The following LAMA5 variants were observed in gnomAD, a reference collection of about 807,000 sequenced individuals.
LAMA5 encodes the protein laminin subunit alpha-5.
Under a neutral mutation model 433.4 loss-of-function variants are expected in LAMA5, and 260 were observed. That is an observed-to-expected ratio of 0.60 (90% CI 0.54 to 0.66). The LOEUF (loss-of-function observed/expected upper bound fraction) is 0.66, where lower values mean the gene tolerates loss of function less well. LAMA5 is among the 30% of genes least tolerant of loss of function. The probability of loss-of-function intolerance (pLI) is 0.00; values close to 1 mark genes in which losing one functional copy is unlikely to be tolerated. For synonymous variants in LAMA5, 2,620 were observed against 2,226.6 expected (o/e 1.18, Z -4.97); for missense variants, 5,378 against 5,258.5 (o/e 1.02, Z -0.70).
In LAMA5 at chr20:62,338,595, G is replaced by A. The variant is rs780866759; in HGVS notation, c.1491C>T (p.Ser497=). Residue 497 remains serine (S), a synonymous_variant, in exon 12 of 80, where the codon AGC becomes AGT. Coordinates refer to ENST00000252999, the MANE Select transcript of LAMA5 (RefSeq NM_005560.6). The part of the protein sequence containing the change: ...PAGQIVNCDC[S]AAGTQGNACR... Reference sequence around the variant, plus strand: ...AGGCGTTGCCCTGGGTCCCTGCCGCGCTGCAGTCACAATCTGGAGGGTGGG... The same window carrying A: ...AGGCGTTGCCCTGGGTCCCTGCCGCACTGCAGTCACAATCTGGAGGGTGGG... 46 of 1,609,716 alleles carry A rather than the reference G, an allele frequency of 2.9e-5. 1 individual carries two copies. Among genetic ancestry groups the A allele is most frequent in the South Asian group, 2.3e-4 (21 of 90,444 alleles).
In LAMA5 at chr20:62,323,767, C is replaced by A. The variant is rs748281274; in HGVS notation, c.5849+9G>T. 7.5e-6 allele frequency: 12 copies of A among 1,608,632 alleles called. 1 individual carries two copies. In the South Asian group the frequency reaches 1.3e-4, roughly 18 times the overall value. On this transcript the variant is annotated intron_variant, in intron 44 of 79. Transcript: ENST00000252999. Reference sequence around the variant, plus strand: ...CAGGCCCTGCCCCACTGCCCTAGCCCCAGCTCACCGCTCGCAGGAGGCACC... The same window carrying A: ...CAGGCCCTGCCCCACTGCCCTAGCCACAGCTCACCGCTCGCAGGAGGCACC...
chr20:62,319,692 G>T lies in LAMA5; in HGVS notation c.6863C>A (p.Thr2288Asn). 2 of 1,541,962 alleles carry T rather than the reference G, an allele frequency of 1.3e-6. No individual in the cohort carries two copies. Among genetic ancestry groups the T allele is most frequent in the Non-Finnish European group, 1.7e-6 (2 of 1,145,528 alleles). ...LLAAIRAVDR[T>N]LSELMSQTGH... ...GCTGGGCTGGCCCCTACCGCTCAGGGTGCGGTCCACAGCCCGGATGGCCGC... is the reference window on the plus strand; with the variant it reads ...GCTGGGCTGGCCCCTACCGCTCAGGTTGCGGTCCACAGCCCGGATGGCCGC... Residue 2288 changes from threonine (T) to asparagine (N), a missense_variant, in exon 51 of 80, where the codon ACC becomes AAC. By Grantham distance (65) the Thr-to-Asn change is moderately conservative. Coordinates refer to ENST00000252999, the MANE Select transcript of LAMA5 (RefSeq NM_005560.6).
intron 3 of LAMA5, among the ~76,000 whole-genome samples, chr20:62,352,797 C>T (rs764346708): frequency 6.6e-6 from 1 of 152,148 alleles, no homozygotes; most frequent in Non-Finnish European, 1.5e-5. Context: ...GTACTCTTGA[C>T]GCAGGTGGCT....
At chr20:62,346,342 G>T (rs545151613) in intron 9 of LAMA5, 127 bp from the exon 10 acceptor site, 2 of 1,399,354 alleles carry the variant, frequency 1.4e-6, no homozygotes, top group East Asian at 2.5e-5. Context: ...GGCCCCCTGG[G>T]GGGACATGAG....
Position 62,312,648 on chromosome 20 carries a change from C to A in LAMA5, c.9211G>T (p.Asp3071Tyr). The change falls in exon 67 of 80, where the codon GAC becomes TAC. Residue 3071 changes from aspartate (D) to tyrosine (Y), a missense_variant. By Grantham distance (160) the Asp-to-Tyr change is radical. Coordinates refer to ENST00000252999, the MANE Select transcript of LAMA5 (RefSeq NM_005560.6). The part of the protein sequence containing the change: ...DAYYLGGVPP[D>Y]QLPPSLRRLF... ...AGTGCTTACCTCGGGGGCAGCTGGTCGGGCGGCACGCCCCCCAGGTAGTAG... is the reference window on the plus strand; with the variant it reads ...AGTGCTTACCTCGGGGGCAGCTGGTAGGGCGGCACGCCCCCCAGGTAGTAG... 1 of 1,606,722 alleles carries A rather than the reference C, an allele frequency of 6.2e-7. No individual in the cohort carries two copies. The highest frequency in any genetic ancestry group is 8.5e-7 in the Non-Finnish European group (1 of 1,177,680).
intron 23 of LAMA5, 49 bp downstream of exon 23, chr20:62,333,852 G>A (rs144702396): frequency 7.1e-7 from 1 of 1,413,432 alleles, no homozygotes; most frequent in African/African-American, 1.4e-5. Flanking sequence ...GTGGGGTGGG[G>A]TGGGCTGGGC....
In LAMA5 at chr20:62,330,591, A is replaced by T; in HGVS notation, c.3876T>A (p.His1292Gln). ...AGGCATAGCGGCCCAGCGTGGGCAC[A>T]TGGGTGGTGAAGACCACGGTGGCCT... ...EPQATVVFTT[H>Q]VPTLGRYAFL... The change falls in exon 31 of 80, where the codon CAT becomes CAA. Residue 1292 changes from histidine (H) to glutamine (Q), a missense_variant. His to Gln is a conservative substitution (Grantham distance 24). Coordinates refer to ENST00000252999, the MANE Select transcript of LAMA5 (RefSeq NM_005560.6). The T allele has an allele frequency of 6.3e-7, 1 of 1,593,512 alleles. No individual in the cohort carries two copies. Among genetic ancestry groups the T allele is most frequent in the Non-Finnish European group, 8.5e-7 (1 of 1,171,720 alleles).
chr20:62,345,506 A>C, intron 11 of LAMA5: 1 of 480,042 alleles, frequency 2.1e-6, no homozygotes, highest in Middle Eastern at 5.7e-4. Context: ...TTCCAGGCTC[A>C]AGCAATCCTT....
intron 50 of LAMA5, 107 bp from the exon 51 acceptor site, chr20:62,319,902 C>T (rs1987488277): frequency 2.8e-6 from 2 of 716,090 alleles, no homozygotes; most frequent in Admixed American, 2.6e-5. Flanking sequence ...GGAAGAGGGG[C>T]CCCTTATCTA....
chr20:62,321,977 C>G, intron 48 of LAMA5, 42 bp downstream of exon 48: 1 of 1,581,416 alleles, frequency 6.3e-7, no homozygotes, highest in East Asian at 2.2e-5. Context: ...ACTTGGATTC[C>G]TACTCCATCA....
chr20:62,363,974 C>T (rs1367577140), intron 1 of LAMA5, among the ~76,000 whole-genome samples: 1 of 152,210 alleles, frequency 6.6e-6, no homozygotes, highest in African/African-American at 2.4e-5. Context: ...CCAGTGTGGC[C>T]ACTGCTGTAT....
intron 53 of LAMA5, among the ~76,000 whole-genome samples, 157 bp downstream of exon 53, chr20:62,318,297 A>G (rs1188145604): frequency 5.7e-5 from 1 of 17,594 alleles, no homozygotes; most frequent in Non-Finnish European, 1.1e-4. Context: ...GAAGAGGAGG[A>G]GGGGGGGAAG....
chr20:62,317,649 G>A lies in LAMA5; in HGVS notation c.7356+13C>T, dbSNP rs751145294. The A allele has an allele frequency of 6.4e-7, 1 of 1,555,730 alleles. No homozygotes were observed. The highest frequency in any genetic ancestry group is 8.7e-7 in the Non-Finnish European group (1 of 1,148,112). ...TGGATGGGGTGGCGACAGGGGCCAG[G>A]GGCTGCACTCACCTCCTTAGCCTGG... is the stretch of plus-strand genomic sequence containing the variant. On this transcript the variant is annotated intron_variant, in intron 54 of 79. Transcript: ENST00000252999.
chr20:62,317,786 C>CA lies in LAMA5; in HGVS notation c.7240-9dup, dbSNP rs1987122491. On this transcript the variant is annotated splice_polypyrimidine_tract_variant and intron_variant, in intron 53 of 79. Transcript: ENST00000252999. The stretch of plus-strand genomic sequence containing the variant: ...CAGCTCCTGCTTCCTTTGCTGAAGG[C>CA]AATGCAGGGGAGTTGGGGACAATGA... 4 of 1,568,728 alleles carry CA rather than the reference C, an allele frequency of 2.5e-6. No individual in the cohort carries two copies. The Admixed American group carries it at 7.1e-5, about 28-fold the overall frequency.
In LAMA5 at chr20:62,328,382, G is replaced by A; in HGVS notation, c.4511C>T (p.Thr1504Ile). Reference sequence around the variant, plus strand: ...GCACAGCAGGCAGTCGGGCGGGATGGTGCGTGGCGGGCAGATGCACTGGCC... The same window carrying A: ...GCACAGCAGGCAGTCGGGCGGGATGATGCGTGGCGGGCAGATGCACTGGCC... ...LTGQCICPPRTIPPDCLLCQP... is the reference protein window; with the variant it reads ...LTGQCICPPRIIPPDCLLCQP... Residue 1504 changes from threonine to isoleucine, a missense_variant, in exon 35 of 80, where the codon ACC (threonine) becomes ATC (isoleucine). Physicochemically the swap from Thr to Ile is moderately conservative, Grantham distance 89. Transcript: ENST00000252999. The A allele has an allele frequency of 1.3e-6, 2 of 1,566,448 alleles. No individual in the cohort carries two copies. The highest frequency in any genetic ancestry group is 1.7e-6 in the Non-Finnish European group (2 of 1,155,490).
Position 62,335,048 on chromosome 20 carries a change from C to T in LAMA5, c.2455G>A (p.Asp819Asn). 2 of 1,612,974 alleles carry T rather than the reference C, an allele frequency of 1.2e-6. No homozygotes were observed. Among genetic ancestry groups the T allele is most frequent in the South Asian group, 1.1e-5 (1 of 91,086 alleles). Residue 819 changes from aspartate (D) to asparagine (N), a missense_variant, in exon 20 of 80, where the codon GAT (aspartate) becomes AAT (asparagine). Asp to Asn is a conservative substitution (Grantham distance 23). Coordinates refer to ENST00000252999, the MANE Select transcript of LAMA5 (RefSeq NM_005560.6). ...ASCKDGFFGLDQADYFGCRSC... is the reference protein window; with the variant it reads ...ASCKDGFFGLNQADYFGCRSC... ...CGGCAGCCAAAATAGTCAGCCTGAT[C>T]CAGTCCAAAGAAGCCATCCTTGCAG...
chr20:62,363,745 A>G (rs1252279246), intron 1 of LAMA5, among the ~76,000 whole-genome samples: 1 of 151,990 alleles, frequency 6.6e-6, no homozygotes, highest in Non-Finnish European at 1.5e-5. Flanking sequence ...TCATCCTAGG[A>G]GGAGGAGGCA....
chr20:62,339,291 G>A (rs898386786), intron 11 of LAMA5, among the ~76,000 whole-genome samples: 2 of 121,412 alleles, frequency 1.6e-5, no homozygotes, highest in Non-Finnish European at 3.2e-5. Flanking sequence ...AGGCTAGAGT[G>A]CAGTGGCACG....
rs1357029733 is a variant in LAMA5, at chr20:62,322,354, C to A, written c.6261G>T (p.Gln2087His). 3 of 1,593,918 alleles carry A rather than the reference C, an allele frequency of 1.9e-6. No homozygotes were observed. Among genetic ancestry groups the A allele is most frequent in the Non-Finnish European group, 2.6e-6 (3 of 1,171,878 alleles). ...CCATGGTCCCTGGTCGGCAGTGGCA[C>A]TGTCCGCTCTGGGGGTGGCACTCGG... ...EGSECHPQSG[Q>H]CHCRPGTMGP... Residue 2087 changes from glutamine (Q) to histidine (H), a missense_variant, in exon 47 of 80, where the codon CAG becomes CAT. Gln to His is a conservative substitution (Grantham distance 24, BLOSUM62 0). Transcript: ENST00000252999.
Sources: allele counts gnomAD v4.1 joint callset (sites outside exome capture counted in the v4.1 genomes callset), GRCh38; gene constraint gnomAD v4.1.1; transcripts MANE v1.5; gene names NCBI Gene and HGNC (gene_info 2026-07-23, HGNC 2026-07-21).